PPP2R2B: variants seen among roughly 807,000 people sequenced by gnomAD.
PPP2R2B encodes serine/threonine-protein phosphatase 2A 55 kDa regulatory subunit B beta isoform.
In PPP2R2B, 5 loss-of-function variants were observed where a neutral mutation model predicts 46.0. The ratio of observed to expected loss-of-function variants is 0.11; its 90% CI spans 0.06 to 0.23. PPP2R2B has a LOEUF of 0.23. Ranked by LOEUF, PPP2R2B falls within the 10% of genes least tolerant of loss-of-function variation. The pLI, the probability that PPP2R2B is intolerant of heterozygous loss-of-function variation, is 1.00. For missense variants in PPP2R2B, 367 were observed against 575.0 expected, an observed-to-expected ratio of 0.64 and a Z score of 3.70; for synonymous variants, 215 against 206.7, an observed-to-expected ratio of 1.04 and a Z score of -0.34.
At position 146,718,262 on chromosome 5, in the gene PPP2R2B, C is replaced by A. The variant is rs569316970; in HGVS notation, c.71-17120G>T. ...GATTAGCCTGGCATGGTGGCACACG[C>A]CTATAGTCTCAGCTACTCAGGAGGC... On this transcript the variant is annotated intron_variant, in intron 2 of 9. Coordinates refer to ENST00000394411, the MANE Select transcript of PPP2R2B (RefSeq NM_181675.4). Among the ~76,000 whole-genome samples, 3 of 152,012 alleles carry A rather than the reference C, an allele frequency of 2.0e-5. 1 individual carries two copies. The highest frequency in any genetic ancestry group is 2.0e-4 in the Admixed American group (3 of 15,252).
At chr5:147,040,901 G>A in intron 1 of PPP2R2B, 3 of 395,412 alleles carry the variant, frequency 7.6e-6, no homozygotes, top group Admixed American at 6.7e-5. Flanking sequence ...TCTCCTGAGG[G>A]CTTATCAAGA....
At chr5:146,804,484 C>G (rs1285223760) in intron 2 of PPP2R2B, among the ~76,000 whole-genome samples, 1 of 151,954 alleles carries the variant, frequency 6.6e-6, no homozygotes, top group Non-Finnish European at 1.5e-5. Flanking sequence ...TGCTCTGATC[C>G]ATTGCCTTTT....
At chr5:146,790,974 C>T (rs886724480) in intron 2 of PPP2R2B, among the ~76,000 whole-genome samples, 11 of 152,082 alleles carry the variant, frequency 7.2e-5, no homozygotes, top group Admixed American at 2.6e-4. Flanking sequence ...TGCTGCAAAT[C>T]GGTCAATGTT....
At chr5:146,590,349 T>C in intron 9 of PPP2R2B, 123 bp from the exon 10 acceptor site, 1 of 989,652 alleles carries the variant, frequency 1.0e-6, no homozygotes, top group South Asian at 1.8e-5. Context: ...AACCAAAAAA[T>C]GAGAACAGGC....
At chr5:146,829,607 A>T (rs1227075656) in intron 2 of PPP2R2B, among the ~76,000 whole-genome samples, 2 of 152,196 alleles carry the variant, frequency 1.3e-5, no homozygotes, top group Non-Finnish European at 2.9e-5. Context: ...AAGTACCTGC[A>T]GTGGCCTATT....
intron 2 of PPP2R2B, among the ~76,000 whole-genome samples, chr5:146,820,294 C>G (rs1477246418): frequency 2.0e-5 from 3 of 152,040 alleles, no homozygotes; most frequent in Non-Finnish European, 2.9e-5. Flanking sequence ...TGTATCAAAA[C>G]ATCACATTGT....
chr5:147,031,687 T>C (rs1755793289), intron 1 of PPP2R2B, among the ~76,000 whole-genome samples: 1 of 152,136 alleles, frequency 6.6e-6, no homozygotes, highest in Admixed American at 6.5e-5. Context: ...TTTCTATCCT[T>C]TATACTTAGG....
intron 1 of PPP2R2B, among the ~76,000 whole-genome samples, chr5:146,886,058 G>C (rs13190051): frequency 0.24 from 37,244 of 152,114 alleles, 4,685 homozygotes; most frequent in East Asian, 0.34. Flanking sequence ...GATAGGGGCG[G>C]CCGGGCGCGG....
chr5:146,907,711 T>A (rs1003263193), intron 1 of PPP2R2B, among the ~76,000 whole-genome samples: 1 of 152,242 alleles, frequency 6.6e-6, no homozygotes, highest in African/African-American at 2.4e-5. Flanking sequence ...AGCTAAGTTT[T>A]TGTCTTTTCC....
At chr5:146,868,665 G>T (rs1482134364) in intron 2 of PPP2R2B, among the ~76,000 whole-genome samples, 1 of 152,146 alleles carries the variant, frequency 6.6e-6, no homozygotes, top group Non-Finnish European at 1.5e-5. Context: ...ATACTGCATT[G>T]CCTTTCCATT....
intron 2 of PPP2R2B, among the ~76,000 whole-genome samples, chr5:146,840,774 T>C (rs1395031243): frequency 6.6e-6 from 1 of 152,242 alleles, no homozygotes; most frequent in Non-Finnish European, 1.5e-5. Flanking sequence ...AAGATATAAA[T>C]GATGCTGCAG....
At chr5:146,720,922 T>C (rs1280106300) in intron 2 of PPP2R2B, among the ~76,000 whole-genome samples, 1 of 152,218 alleles carries the variant, frequency 6.6e-6, no homozygotes, top group Admixed American at 6.5e-5. Flanking sequence ...ATCCTATCTC[T>C]TGAGACTTTT....
intron 1 of PPP2R2B, among the ~76,000 whole-genome samples, chr5:146,936,709 G>A (rs1011641418): frequency 6.6e-6 from 1 of 151,974 alleles, no homozygotes; most frequent in Non-Finnish European, 1.5e-5. Flanking sequence ...TAGCCCCTAC[G>A]GCTGTGGGCT....
chr5:146,776,838 A>G (rs1245616291), intron 2 of PPP2R2B, among the ~76,000 whole-genome samples: 13 of 152,142 alleles, frequency 8.5e-5, no homozygotes, highest in Non-Finnish European at 5.9e-5. Context: ...TGGGCAAAGG[A>G]ATTGAATACA....
chr5:147,041,268 C>A (rs1048711341), intron 1 of PPP2R2B, among the ~76,000 whole-genome samples: 1 of 152,084 alleles, frequency 6.6e-6, no homozygotes, highest in East Asian at 1.9e-4. Context: ...CCAGTGGGTG[C>A]CCTCCTCTCC....
At chr5:147,079,815 A>G (rs1242341209) in intron 2 of PPP2R2B, among the ~76,000 whole-genome samples, 1 of 152,114 alleles carries the variant, frequency 6.6e-6, no homozygotes, top group Non-Finnish European at 1.5e-5. Context: ...ATCTCTCAAA[A>G]CAGCTAGGAG....
At chr5:146,998,823 G>A (rs1191039052) in intron 1 of PPP2R2B, among the ~76,000 whole-genome samples, 1 of 151,904 alleles carries the variant, frequency 6.6e-6, no homozygotes, top group South Asian at 2.1e-4. Context: ...GATCCTGAGG[G>A]ATTCAGCAAA....
intron 7 of PPP2R2B, among the ~76,000 whole-genome samples, chr5:146,629,922 T>C (rs1219657341): frequency 6.6e-6 from 1 of 152,190 alleles, no homozygotes; most frequent in Admixed American, 6.5e-5. Flanking sequence ...CAAGCGATTC[T>C]CCTACCTCAG....
At chr5:146,908,893 T>C (rs985322040) in intron 1 of PPP2R2B, among the ~76,000 whole-genome samples, 1 of 151,354 alleles carries the variant, frequency 6.6e-6, no homozygotes, top group African/African-American at 2.4e-5. Flanking sequence ...CCTCAAACTC[T>C]TGGGCTCAAG....
Sources: gnomAD v4.1 joint callset for allele counts (sites outside exome capture counted in the v4.1 genomes callset) on GRCh38, gnomAD v4.1.1 for gene constraint, MANE v1.5 for transcripts, NCBI Gene and HGNC (gene_info 2026-07-23, HGNC 2026-07-21) for gene names.